The following TRPC4AP variants were observed in gnomAD, a reference collection of about 807,000 sequenced individuals.
TRPC4AP encodes the protein transient receptor potential cation channel subfamily C member 4 associated protein, also known as short transient receptor potential channel 4-associated protein.
TRPC4AP carries 45 observed loss-of-function variants against 99.0 expected under a neutral mutation model. The observed-to-expected ratio is 0.45, with a 90% CI of 0.36 to 0.58. The LOEUF (loss-of-function observed/expected upper bound fraction) is 0.58. Ranked by LOEUF, TRPC4AP falls within the 20% of genes least tolerant of loss-of-function variation. The probability of loss-of-function intolerance (pLI) is 0.00; values close to 1 mark genes in which losing one functional copy is unlikely to be tolerated. For synonymous variants in TRPC4AP, 408 were observed against 385.8 expected (o/e 1.06, Z -0.67); for missense variants, 879 against 985.3 (o/e 0.89, Z 1.44).
intron 5 of TRPC4AP, 143 bp from the exon 6 acceptor site, chr20:35,050,137 T>C: frequency 2.2e-6 from 2 of 901,904 alleles, no homozygotes; most frequent in Non-Finnish European, 3.3e-6. Flanking sequence ...ATGGCTTAAC[T>C]GTGGGAAACG....
At chr20:35,067,650 T>C (rs2084178293) in intron 3 of TRPC4AP, among the ~76,000 whole-genome samples, 1 of 152,182 alleles carries the variant, frequency 6.6e-6, no homozygotes, top group Non-Finnish European at 1.5e-5. Flanking sequence ...ATGTGGCATA[T>C]CCACACTGTG....
At chr20:35,038,812 C>T (rs1010597281) in intron 7 of TRPC4AP, among the ~76,000 whole-genome samples, 1 of 152,196 alleles carries the variant, frequency 6.6e-6, no homozygotes, top group African/African-American at 2.4e-5. Context: ...GTGGCCCATG[C>T]CTGTAATCCC....
intron 15 of TRPC4AP, among the ~76,000 whole-genome samples, chr20:35,006,089 G>A (rs577611789): frequency 1.3e-5 from 2 of 152,270 alleles, no homozygotes; most frequent in African/African-American, 4.8e-5. Context: ...GCTAGCCTGA[G>A]CTGGGTTTCT....
At chr20:35,091,258 G>A (rs2146059503) in intron 1 of TRPC4AP, among the ~76,000 whole-genome samples, 1 of 152,086 alleles carries the variant, frequency 6.6e-6, no homozygotes, top group Middle Eastern at 3.4e-3. Flanking sequence ...CCAAAGTGCT[G>A]GGATTACAGG....
At chr20:35,007,708 GGGTT>G in intron 13 of TRPC4AP, 68 bp from the exon 14 acceptor site, 2 of 1,525,394 alleles carry the variant, frequency 1.3e-6, no homozygotes, top group Non-Finnish European at 1.8e-6. Flanking sequence ...GTTCTCCAAG[GGGTT>G]GGGAGATGTT....
At position 35,069,341 on chromosome 20, in the gene TRPC4AP, G is replaced by A. The variant is rs1600638397; in HGVS notation, c.369C>T (p.Thr123=). 2 of 1,612,346 alleles carry A rather than the reference G, an allele frequency of 1.2e-6. No homozygotes were observed. The highest frequency in any genetic ancestry group is 1.7e-6 in the Non-Finnish European group (2 of 1,178,572). Reference sequence around the variant, plus strand: ...CAAAAATGTAAGTATTTGGATAAGTGGTTTCTTGGGTAAGTTTCCTCTCTT... The same window carrying A: ...CAAAAATGTAAGTATTTGGATAAGTAGTTTCTTGGGTAAGTTTCCTCTCTT... ...VTEERKLTQE[T]TYPNTYIFDL... Residue 123 remains threonine, a synonymous_variant, in exon 3 of 19, where the codon ACC becomes ACT. Transcript: ENST00000252015.
chr20:35,092,501 A>G (rs893039040), intron 1 of TRPC4AP, 113 bp downstream of exon 1: 2 of 1,276,030 alleles, frequency 1.6e-6, no homozygotes, highest in Non-Finnish European at 2.0e-6. Flanking sequence ...CCTTCCGGCC[A>G]GCCAAAAGGG....
chr20:35,068,984 A>AAAAAAC lies in TRPC4AP; in HGVS notation c.414+311_414+312insGTTTTT, dbSNP rs144241228. Among the ~76,000 whole-genome samples the AAAAAAC allele has an allele frequency of 8.5e-3, 1,185 of 140,080 alleles. 17 individuals carry two copies. The highest frequency in any genetic ancestry group is 0.017 in the Middle Eastern group (5 of 286). The allele number at this position is 140,080 out of a possible 152,430, so 91.9% of individuals were successfully genotyped here. On this transcript the variant is annotated intron_variant, in intron 3 of 18. Coordinates refer to ENST00000252015, the MANE Select transcript of TRPC4AP (RefSeq NM_015638.3). The stretch of plus-strand genomic sequence containing the variant: ...ACACACACACACACACACACAAAAA[A>AAAAAAC]AACAAAACATCTTAAGCAGGACACA...
intron 1 of TRPC4AP, among the ~76,000 whole-genome samples, chr20:35,086,525 ATGTGTG>A (rs1176461079): frequency 0.034 from 2,381 of 69,164 alleles, 181 homozygotes; most frequent in East Asian, 0.073. Context: ...GTGTGTATAT[ATGTGTG>A]TGTGTGTGTG....
intron 3 of TRPC4AP, among the ~76,000 whole-genome samples, chr20:35,066,913 C>A (rs1170909079): frequency 6.6e-6 from 1 of 151,960 alleles, no homozygotes; most frequent in Non-Finnish European, 1.5e-5. Flanking sequence ...AGAAAACTGG[C>A]AGAAAAGGAA....
At chr20:35,092,422 G>A (rs1274076205) in intron 1 of TRPC4AP, among the ~76,000 whole-genome samples, 192 bp downstream of exon 1, 4 of 152,194 alleles carry the variant, frequency 2.6e-5, no homozygotes, top group Non-Finnish European at 4.4e-5. Context: ...CCCCTGACAA[G>A]GGACATCAAG....
In TRPC4AP at chr20:35,086,586, T is replaced by C. The variant is rs536302483; in HGVS notation, c.168+6028A>G. On this transcript the variant is annotated intron_variant, in intron 1 of 18. Transcript: ENST00000252015. The stretch of plus-strand genomic sequence containing the variant: ...GTGTGTGTGTGTGTGTATATATATA[T>C]GAATAAGACTTTATCCTAATCAGGA... 4.7e-4 allele frequency among the ~76,000 whole-genome samples: 70 copies of C among 148,850 alleles called. 4 individuals carry two copies. The highest frequency in any genetic ancestry group is 4.8e-4 in the Admixed American group (7 of 14,702).
chr20:35,003,948 G>A (rs577963537), intron 17 of TRPC4AP, among the ~76,000 whole-genome samples: 6 of 152,176 alleles, frequency 3.9e-5, no homozygotes, highest in Non-Finnish European at 7.3e-5. Flanking sequence ...CGGTTATCCC[G>A]CTTCAGAAGT....
chr20:35,079,597 C>A (rs1211216956), intron 1 of TRPC4AP, among the ~76,000 whole-genome samples: 1 of 151,982 alleles, frequency 6.6e-6, no homozygotes, highest in Non-Finnish European at 1.5e-5. Flanking sequence ...AAAGTTAGTT[C>A]TTTAAAAAGA....
At chr20:35,070,793 T>C (rs1340921136) in intron 2 of TRPC4AP, among the ~76,000 whole-genome samples, 1 of 152,034 alleles carries the variant, frequency 6.6e-6, no homozygotes, top group Non-Finnish European at 1.5e-5. Context: ...GACAGAGTAT[T>C]TGATACAGCA....
At chr20:35,021,595 A>G (rs1355890346) in intron 8 of TRPC4AP, among the ~76,000 whole-genome samples, 2 of 152,196 alleles carry the variant, frequency 1.3e-5, no homozygotes, top group African/African-American at 4.8e-5. Flanking sequence ...TAAAGTAAAA[A>G]TATTCGGACA....
At chr20:35,028,559 A>C (rs1377816025) in intron 8 of TRPC4AP, among the ~76,000 whole-genome samples, 1 of 152,150 alleles carries the variant, frequency 6.6e-6, no homozygotes, top group Non-Finnish European at 1.5e-5. Context: ...TAATCCTTTT[A>C]AATTTGCTGA....
intron 1 of TRPC4AP, among the ~76,000 whole-genome samples, chr20:35,089,924 A>T (rs1600681012): frequency 1.3e-5 from 2 of 152,190 alleles, no homozygotes; most frequent in South Asian, 4.2e-4. Context: ...AAATATGGGT[A>T]ATCTGGGCAA....
intron 1 of TRPC4AP, among the ~76,000 whole-genome samples, chr20:35,089,148 T>C (rs6060212): frequency 0.59 from 88,750 of 151,422 alleles, 27,007 homozygotes; most frequent in Middle Eastern, 0.74. Flanking sequence ...GGATTACAGG[T>C]GTAAGCCACC....
Sources: allele counts gnomAD v4.1 joint callset (sites outside exome capture counted in the v4.1 genomes callset), GRCh38; gene constraint gnomAD v4.1.1; transcripts MANE v1.5; gene names NCBI Gene and HGNC (gene_info 2026-07-23, HGNC 2026-07-21).